The following TMC1 variants were observed in gnomAD, a reference collection of about 807,000 sequenced individuals.
TMC1 encodes the protein transmembrane channel-like protein 1.
A neutral mutation model predicts 105.8 loss-of-function variants in TMC1; 84 were observed. The observed-to-expected ratio is 0.79, with a 90% confidence interval of 0.67 to 0.95. The LOEUF is 0.95. Ranked by LOEUF, TMC1 falls within the 40% of genes least tolerant of loss-of-function variation. The pLI, the probability that TMC1 is intolerant of heterozygous loss-of-function variation, is 0.00. For synonymous variants in TMC1, 315 were observed against 311.5 expected, an observed-to-expected ratio of 1.01 and a Z score of -0.12; for missense variants, 817 against 914.1, an observed-to-expected ratio of 0.89 and a Z score of 1.37.
intron 13 of TMC1, among the ~76,000 whole-genome samples, chr9:72,773,068 T>C (rs1462975787): frequency 6.6e-6 from 1 of 152,148 alleles, no homozygotes; most frequent in Non-Finnish European, 1.5e-5. Flanking sequence ...TGTATAATCA[T>C]GGTTTGTCTT....
chr9:72,690,581 A>T (rs1826448638), intron 6 of TMC1, among the ~76,000 whole-genome samples: 1 of 152,134 alleles, frequency 6.6e-6, no homozygotes, highest in African/African-American at 2.4e-5. Context: ...TTTATAAAGG[A>T]CAAACTTGCT....
intron 12 of TMC1, 45 bp downstream of exon 12, chr9:72,754,929 A>G: frequency 6.7e-7 from 1 of 1,481,926 alleles, no homozygotes; most frequent in Non-Finnish European, 9.4e-7. Context: ...ATGGATTTTT[A>G]TTTAGTTTAT....
intron 1 of TMC1, among the ~76,000 whole-genome samples, chr9:72,539,932 C>T (rs574405899): frequency 6.6e-6 from 1 of 152,302 alleles, no homozygotes; most frequent in Admixed American, 6.5e-5. Flanking sequence ...TTGGTGAAGG[C>T]AAGGAAGCTT....
chr9:72,628,101 T>C (rs1196639951), intron 4 of TMC1, 38 bp downstream of exon 4: 1 of 455,590 alleles, frequency 2.2e-6, no homozygotes, highest in Non-Finnish European at 4.4e-6. Flanking sequence ...CACGTTTTGG[T>C]GCCTAGCATT....
At chr9:72,555,193 G>GTTT (rs35020451) in intron 1 of TMC1, among the ~76,000 whole-genome samples, 5 of 130,694 alleles carry the variant, frequency 3.8e-5, no homozygotes, top group Non-Finnish European at 6.5e-5. Context: ...TTTTGATTCT[G>GTTT]TTTTTTTTTT....
chr9:72,783,974 A>G (rs1020058015), intron 13 of TMC1, among the ~76,000 whole-genome samples: 1 of 152,168 alleles, frequency 6.6e-6, no homozygotes, highest in Admixed American at 6.5e-5. Context: ...TCTTGAAGAA[A>G]TCCTAGGAAA....
At chr9:72,724,906 C>T (rs1827088566) in intron 8 of TMC1, among the ~76,000 whole-genome samples, 3 of 151,998 alleles carry the variant, frequency 2.0e-5, no homozygotes, top group Non-Finnish European at 2.9e-5. Context: ...CATTAATTAT[C>T]ATAAAATTAT....
rs114599490 is a variant in TMC1 at position 72,673,927 on chromosome 9, G to A, written c.17-14782G>A. On this transcript the variant is annotated intron_variant, in intron 5 of 23. Coordinates refer to ENST00000297784, the MANE Select transcript of TMC1 (RefSeq NM_138691.3). ...TATTTCCCAACTCTCCCTGAGGCCA[G>A]TGCTACTCTATCCAAAACCAGAAAA... Among the ~76,000 whole-genome samples the A allele has an allele frequency of 4.2e-3, 638 of 152,210 alleles. 4 individuals carry two copies. Among genetic ancestry groups the A allele is most frequent in the African/African-American group, 0.015 (612 of 41,556 alleles).
intron 5 of TMC1, among the ~76,000 whole-genome samples, chr9:72,674,905 A>G (rs1826178065): frequency 1.3e-5 from 2 of 152,236 alleles, no homozygotes; most frequent in African/African-American, 4.8e-5. Flanking sequence ...AAATCAAGCC[A>G]TCAGGCTATT....
At chr9:72,632,798 A>C (rs1825471749) in intron 4 of TMC1, among the ~76,000 whole-genome samples, 1 of 152,220 alleles carries the variant, frequency 6.6e-6, no homozygotes, top group Non-Finnish European at 1.5e-5. Flanking sequence ...AGGCAGTAGT[A>C]AAAAGTTTGC....
intron 7 of TMC1, among the ~76,000 whole-genome samples, chr9:72,699,434 A>G (rs1826605454): frequency 6.6e-6 from 1 of 152,096 alleles, no homozygotes; most frequent in South Asian, 2.1e-4. Flanking sequence ...CCCGATTTCA[A>G]TTTTTCTTTC....
intron 5 of TMC1, among the ~76,000 whole-genome samples, chr9:72,650,390 T>A (rs1459367919): frequency 6.6e-6 from 1 of 152,170 alleles, no homozygotes; most frequent in African/African-American, 2.4e-5. Flanking sequence ...CCAGGTTCTG[T>A]ACAATGTTCA....
At chr9:72,638,136 C>G (rs892430764) in intron 4 of TMC1, among the ~76,000 whole-genome samples, 1 of 152,116 alleles carries the variant, frequency 6.6e-6, no homozygotes, top group African/African-American at 2.4e-5. Flanking sequence ...GGTCTCCTGT[C>G]TGAAACATAT....
chr9:72,583,678 G>T (rs986098843), intron 2 of TMC1, among the ~76,000 whole-genome samples: 17 of 152,146 alleles, frequency 1.1e-4, no homozygotes, highest in African/African-American at 4.1e-4. Flanking sequence ...TTGTGCTTTG[G>T]CTGTCAGGAA....
At chr9:72,696,575 A>AT (rs1028802974) in intron 7 of TMC1, among the ~76,000 whole-genome samples, 4 of 152,136 alleles carry the variant, frequency 2.6e-5, no homozygotes, top group Non-Finnish European at 5.9e-5. Flanking sequence ...AATTCAGGGT[A>AT]TTTTTTATTT....
At chr9:72,724,528 T>C (rs146481539) in intron 8 of TMC1, among the ~76,000 whole-genome samples, 1 of 151,180 alleles carries the variant, frequency 6.6e-6, no homozygotes, top group East Asian at 2.0e-4. Context: ...AGTCAAACCA[T>C]AGAAATCTTA....
At chr9:72,830,405 G>A (rs566420769) in intron 21 of TMC1, 46 bp from the exon 22 acceptor site, 1 of 1,297,188 alleles carries the variant, frequency 7.7e-7, no homozygotes, top group Non-Finnish European at 1.1e-6. Flanking sequence ...GTATCTTGGG[G>A]AACTGAAATA....
chr9:72,678,625 G>T (rs1423312544), intron 5 of TMC1, among the ~76,000 whole-genome samples: 1 of 151,758 alleles, frequency 6.6e-6, no homozygotes, highest in Non-Finnish European at 1.5e-5. Flanking sequence ...TTTTAAAAAA[G>T]CTGTATTTGT....
chr9:72,604,913 C>T (rs1824882056), intron 2 of TMC1, among the ~76,000 whole-genome samples: 1 of 152,096 alleles, frequency 6.6e-6, no homozygotes, highest in Admixed American at 6.5e-5. Context: ...TGTTCAATAT[C>T]TGAAGAGTAT....
Sources: allele counts gnomAD v4.1 joint callset (sites outside exome capture counted in the v4.1 genomes callset), GRCh38; gene constraint gnomAD v4.1.1; transcripts MANE v1.5; gene names NCBI Gene and HGNC (gene_info 2026-07-23, HGNC 2026-07-21).